PIEZO2: variants seen among roughly 807,000 people sequenced by gnomAD.
PIEZO2 encodes piezo type mechanosensitive ion channel component 2.
Under a neutral mutation model 337.3 loss-of-function variants are expected in PIEZO2, and 172 were observed. That is an observed-to-expected ratio of 0.51 (90% confidence interval 0.45 to 0.58). The LOEUF (loss-of-function observed/expected upper bound fraction) is 0.58, where lower values mean the gene tolerates loss of function less well. Among genes scored for constraint, PIEZO2 ranks in the 20% least tolerant of loss-of-function variants. The pLI, the probability that PIEZO2 is intolerant of heterozygous loss-of-function variation, is 0.00. For synonymous variants in PIEZO2, 1,251 were observed against 1,228.5 expected (o/e 1.02, Z -0.38); for missense variants, 3,028 against 3,391.3 (o/e 0.89, Z 2.66).
At chr18:10,852,239 A>G (rs541411308) in intron 7 of PIEZO2, among the ~76,000 whole-genome samples, 2 of 152,224 alleles carry the variant, frequency 1.3e-5, no homozygotes, top group Non-Finnish European at 2.9e-5. Flanking sequence ...TACTGTGTCT[A>G]TACAAAATTC....
intron 28 of PIEZO2, among the ~76,000 whole-genome samples, chr18:10,751,969 A>G (rs890410970): frequency 6.6e-6 from 1 of 152,154 alleles, no homozygotes; most frequent in African/African-American, 2.4e-5. Context: ...AGAGCAGAGC[A>G]GCCAAGCTTC....
At chr18:11,018,075 G>A (rs1055082024) in intron 2 of PIEZO2, among the ~76,000 whole-genome samples, 1 of 152,098 alleles carries the variant, frequency 6.6e-6, no homozygotes, top group African/African-American at 2.4e-5. Context: ...CCTGCTCCCC[G>A]AGAAGGCTTT....
intron 39 of PIEZO2, among the ~76,000 whole-genome samples, chr18:10,708,879 A>C (rs747351816): frequency 6.6e-6 from 1 of 152,176 alleles, no homozygotes; most frequent in Non-Finnish European, 1.5e-5. Flanking sequence ...GCTCATGTAG[A>C]ATTTACATAA....
chr18:11,129,186 T>G lies in PIEZO2; in HGVS notation c.64+19339A>C, dbSNP rs2040267927. Among the ~76,000 whole-genome samples the G allele has an allele frequency of 6.6e-6, 1 of 152,144 alleles. No homozygotes were observed. The highest frequency in any genetic ancestry group is 2.4e-5 in the African/African-American group (1 of 41,422). ...CTGAGAGGGTCCAGAAGATATACCC[T>G]TGACCAATGCCTTGTGAAACAGATT... On this transcript the variant is annotated intron_variant, in intron 1 of 55. Coordinates refer to ENST00000674853, the MANE Select transcript of PIEZO2 (RefSeq NM_001378183.1). This position sits in a 1 kb window ranked among gnomAD's most constrained non-coding sequence, Gnocchi z 4.6.
chr18:11,107,703 C>G (rs567964986), intron 1 of PIEZO2, among the ~76,000 whole-genome samples: 3 of 152,128 alleles, frequency 2.0e-5, no homozygotes, highest in Admixed American at 6.6e-5. Context: ...GAGGCCACTA[C>G]GAATCCCTGT....
At chr18:10,978,802 T>G (rs1473592827) in intron 3 of PIEZO2, among the ~76,000 whole-genome samples, 4 of 152,208 alleles carry the variant, frequency 2.6e-5, no homozygotes, top group Non-Finnish European at 1.5e-5. Context: ...CAGGGTTTCT[T>G]TAGTTTAACT....
intron 1 of PIEZO2, among the ~76,000 whole-genome samples, chr18:11,100,642 C>T (rs2039384801): frequency 6.6e-6 from 1 of 152,172 alleles, no homozygotes; most frequent in Non-Finnish European, 1.5e-5. Context: ...GTCGCCCAGG[C>T]TGGAGTGCAG....
At chr18:10,708,780 T>C (rs1468545633) in intron 39 of PIEZO2, among the ~76,000 whole-genome samples, 2 of 152,258 alleles carry the variant, frequency 1.3e-5, no homozygotes, top group Non-Finnish European at 2.9e-5. Context: ...AGAGGGTTTC[T>C]TTTAAATGAA....
At chr18:10,683,720 G>A (rs2034381367) in intron 49 of PIEZO2, among the ~76,000 whole-genome samples, 1 of 152,076 alleles carries the variant, frequency 6.6e-6, no homozygotes, top group South Asian at 2.1e-4. Flanking sequence ...TCTCAGTGAG[G>A]CAAATTTAGA....
At chr18:11,073,972 G>A (rs979601757) in intron 1 of PIEZO2, among the ~76,000 whole-genome samples, 6 of 151,112 alleles carry the variant, frequency 4.0e-5, no homozygotes, top group African/African-American at 1.5e-4. Context: ...TCAGCCTCCT[G>A]AGTAGCTGGG....
In PIEZO2 at chr18:11,046,507, C is replaced by A. The variant is rs147846928; in HGVS notation, c.160+19620G>T. 1.4e-3 allele frequency among the ~76,000 whole-genome samples: 215 copies of A among 152,354 alleles called. 1 individual carries two copies. The highest frequency in any genetic ancestry group is 5.1e-3 in the African/African-American group (212 of 41,586). ...GTGATAAATAAGTAATCAATCCTCA[C>A]CTACTACACAGTCAGCTAACAAGTA... On this transcript the variant is annotated intron_variant, in intron 2 of 55. Coordinates refer to ENST00000674853, the MANE Select transcript of PIEZO2 (RefSeq NM_001378183.1).
In PIEZO2 at chr18:10,705,517, C is replaced by A; in HGVS notation, c.5818G>T (p.Ala1940Ser). Residue 1940 changes from alanine (A) to serine (S), a missense_variant, in exon 41 of 56, where the codon GCC becomes TCC. Coordinates refer to ENST00000674853, the MANE Select transcript of PIEZO2 (RefSeq NM_001378183.1). Reference protein sequence around the residue: ...QFSTLDGDVEAPPSYSKAVSF... With the variant: ...QFSTLDGDVESPPSYSKAVSF... ...ACAGCCTTGCTGTAGGAGGGTGGGGCCTCCACATCCCCGTCCAAGGTGGAG... is the reference window on the plus strand; with the variant it reads ...ACAGCCTTGCTGTAGGAGGGTGGGGACTCCACATCCCCGTCCAAGGTGGAG... 6.5e-7 allele frequency: 1 copy of A among 1,537,214 alleles called. No individual in the cohort carries two copies. Among genetic ancestry groups the A allele is most frequent in the South Asian group, 1.2e-5 (1 of 84,058 alleles).
chr18:10,861,701 T>C lies in PIEZO2; in HGVS notation c.493-4490A>G, dbSNP rs1454860341. ...TTGGGGGACCTATTGCACTGCATGG[T>C]GACTGTAGTTTTTAATGTATATTTC... is the stretch of plus-strand genomic sequence containing the variant. On this transcript the variant is annotated intron_variant, in intron 5 of 55. Transcript: ENST00000674853. The surrounding 1 kb of genome is among the most constrained non-coding windows in gnomAD (Gnocchi z 4.3). Among the ~76,000 whole-genome samples the C allele has an allele frequency of 1.3e-5, 2 of 152,174 alleles. No individual in the cohort carries two copies. The highest frequency in any genetic ancestry group is 2.9e-5 in the Non-Finnish European group (2 of 68,034).
intron 2 of PIEZO2, among the ~76,000 whole-genome samples, chr18:11,059,375 C>G (rs1464391074): frequency 6.6e-6 from 1 of 152,192 alleles, no homozygotes; most frequent in Admixed American, 6.5e-5. Flanking sequence ...CAGCTAACAT[C>G]ATAATGACAG....
intron 5 of PIEZO2, among the ~76,000 whole-genome samples, chr18:10,858,321 C>CAAAAAAAAAAAAAA (rs11361243): frequency 3.5e-5 from 2 of 56,360 alleles, no homozygotes; most frequent in African/African-American, 6.4e-5. Context: ...GACTTCAACC[C>CAAAAAAAAAAAAAA]AAAAAAAAAA....
chr18:10,990,747 ATT>A (rs10594197), intron 2 of PIEZO2, among the ~76,000 whole-genome samples: 5,050 of 150,452 alleles, frequency 0.034, 146 homozygotes, highest in African/African-American at 0.073. Flanking sequence ...AAGTTACATT[ATT>A]TTTTTTTCTA....
chr18:11,107,728 T>C (rs919504546), intron 1 of PIEZO2, among the ~76,000 whole-genome samples: 4 of 152,220 alleles, frequency 2.6e-5, no homozygotes, highest in African/African-American at 9.6e-5. Flanking sequence ...TCACCTTCTC[T>C]TTTAATAAAT....
At chr18:10,999,641 G>T (rs1441586165) in intron 2 of PIEZO2, among the ~76,000 whole-genome samples, 1 of 152,116 alleles carries the variant, frequency 6.6e-6, no homozygotes, top group African/African-American at 2.4e-5. Flanking sequence ...AAGGATTTCA[G>T]CATCTTGGGG....
Position 11,094,494 on chromosome 18 carries a change from G to C in PIEZO2, c.65-28272C>G, listed in dbSNP as rs2146060767. ...CAACATGCAGGAGACTCAGACAGTT[G>C]TAGGTGCCTGAGAGTAACAGCAGCA... On this transcript the variant is annotated intron_variant, in intron 1 of 55. Transcript: ENST00000674853. This position sits in a 1 kb window ranked among gnomAD's most constrained non-coding sequence, Gnocchi z 4.4. 6.6e-6 allele frequency among the ~76,000 whole-genome samples: 1 copy of C among 152,234 alleles called. No individual in the cohort carries two copies. Among genetic ancestry groups the C allele is most frequent in the South Asian group, 2.1e-4 (1 of 4,818 alleles).
Sources: allele counts gnomAD v4.1 joint callset (sites outside exome capture counted in the v4.1 genomes callset), GRCh38; gene constraint gnomAD v4.1.1; non-coding constraint Gnocchi (gnomAD v3.1); transcripts MANE v1.5; gene names NCBI Gene and HGNC (gene_info 2026-07-23, HGNC 2026-07-21).